UNC79: variants seen among roughly 807,000 people sequenced by gnomAD.
UNC79 encodes protein unc-79 homolog.
UNC79 carries 37 observed loss-of-function variants against 283.1 expected under a neutral mutation model. The observed-to-expected ratio is 0.13, with a 90% CI of 0.10 to 0.17. The LOEUF is 0.17. UNC79 is among the 10% of genes least tolerant of loss of function. The pLI, the probability that UNC79 is intolerant of heterozygous loss-of-function variation, is 1.00. For synonymous variants in UNC79, 1,107 were observed against 1,200.2 expected (o/e 0.92, Z 1.61); for missense variants, 2,272 against 3,211.1 (o/e 0.71, Z 7.07).
At chr14:93,459,239 G>A (rs543292780) in intron 1 of UNC79, among the ~76,000 whole-genome samples, 2 of 152,300 alleles carry the variant, frequency 1.3e-5, no homozygotes, top group Admixed American at 1.3e-4. Flanking sequence ...CTCCCAAAGT[G>A]CTGGGATTAC....
At chr14:93,536,340 C>G (rs1441070176) in intron 11 of UNC79, among the ~76,000 whole-genome samples, 1 of 150,578 alleles carries the variant, frequency 6.6e-6, no homozygotes, top group African/African-American at 2.4e-5. Flanking sequence ...GTCACTTGTT[C>G]CTTAGTTAGG....
chr14:93,630,691 G>A, intron 30 of UNC79, 110 bp from the exon 33 acceptor site: 2 of 767,766 alleles, frequency 2.6e-6, no homozygotes, highest in East Asian at 2.7e-5. Context: ...CCAGGAAAGT[G>A]TATAAAGAGT....
intron 44 of UNC79, 161 bp downstream of exon 47, chr14:93,689,001 G>A: frequency 1.4e-6 from 1 of 733,182 alleles, no homozygotes; most frequent in Non-Finnish European, 2.0e-6. Flanking sequence ...TTACGTACTT[G>A]CTGACCCAGA....
chr14:93,654,083 C>A (rs2070630354), intron 37 of UNC79, 58 bp downstream of exon 40: 1 of 1,460,884 alleles, frequency 6.8e-7, no homozygotes, highest in East Asian at 2.3e-5. Flanking sequence ...CCCAGCACAA[C>A]TGTGGGCTGT....
At chr14:93,683,148 G>C (rs1448113231) in intron 42 of UNC79, among the ~76,000 whole-genome samples, 1 of 150,842 alleles carries the variant, frequency 6.6e-6, no homozygotes, top group Non-Finnish European at 1.5e-5. Context: ...TTTTTTTAAG[G>C]GTTCTTGATA....
At chr14:93,616,366 CTTTTTTTTTTT>C (rs71463917) in intron 27 of UNC79, among the ~76,000 whole-genome samples, 1 of 96,244 alleles carries the variant, frequency 1.0e-5, no homozygotes, top group Non-Finnish European at 2.1e-5. Context: ...TTCTTTTTTC[CTTTTTTTTTTT>C]TTTTTTTTGA....
chr14:93,415,400 G>A (rs1455495169), intron 1 of UNC79, among the ~76,000 whole-genome samples: 3 of 152,160 alleles, frequency 2.0e-5, no homozygotes, highest in East Asian at 1.9e-4. Flanking sequence ...GCTTTTTGAT[G>A]TGCTGCTGGA....
intron 1 of UNC79, among the ~76,000 whole-genome samples, chr14:93,450,841 T>C (rs973349716): frequency 6.6e-6 from 1 of 152,202 alleles, no homozygotes; most frequent in African/African-American, 2.4e-5. Context: ...ATTTTGTTAA[T>C]GGTTTTAACT....
intron 3 of UNC79, among the ~76,000 whole-genome samples, chr14:93,475,572 C>T (rs1300689019): frequency 6.6e-6 from 1 of 151,738 alleles, no homozygotes; most frequent in African/African-American, 2.4e-5. Flanking sequence ...AATCTAGCCA[C>T]TTCTGCTGTG....
At chr14:93,618,078 C>CAT (rs1161958797) in intron 28 of UNC79, 114 bp from the exon 30 acceptor site, 27 of 1,127,230 alleles carry the variant, frequency 2.4e-5, no homozygotes, top group Non-Finnish European at 3.3e-5. Context: ...CTCTCTCTCT[C>CAT]ATATATATAT....
chr14:93,595,379 C>T (rs564720929), intron 23 of UNC79, among the ~76,000 whole-genome samples: 13 of 152,156 alleles, frequency 8.5e-5, no homozygotes, highest in South Asian at 4.2e-4. Flanking sequence ...CATGAGCCAC[C>T]GTACCCGGCC....
At chr14:93,566,580 G>T (rs1019796499) in intron 14 of UNC79, among the ~76,000 whole-genome samples, 2 of 151,842 alleles carry the variant, frequency 1.3e-5, no homozygotes, top group African/African-American at 4.8e-5. Context: ...ATTCCTTCTT[G>T]AGTAGGGACA....
chr14:93,545,080 A>C (rs1294499365), intron 14 of UNC79, among the ~76,000 whole-genome samples: 1 of 152,204 alleles, frequency 6.6e-6, no homozygotes, highest in Non-Finnish European at 1.5e-5. Flanking sequence ...GAGAAAAGTT[A>C]GAAGTGTTAA....
chr14:93,555,141 A>C (rs148010300), intron 14 of UNC79, among the ~76,000 whole-genome samples: 122 of 152,342 alleles, frequency 8.0e-4, no homozygotes, highest in Non-Finnish European at 1.3e-3. Context: ...AAGACATTTA[A>C]TTTTATTTCA....
At chr14:93,575,678 T>A (rs2063437403) in intron 17 of UNC79, among the ~76,000 whole-genome samples, 1 of 152,238 alleles carries the variant, frequency 6.6e-6, no homozygotes, top group African/African-American at 2.4e-5. Flanking sequence ...TGCATCATTG[T>A]AGATGAGAAA....
intron 14 of UNC79, among the ~76,000 whole-genome samples, chr14:93,553,539 A>C (rs2062004034): frequency 6.6e-6 from 1 of 152,226 alleles, no homozygotes; most frequent in African/African-American, 2.4e-5. Flanking sequence ...AAAACAAGAC[A>C]ATTGTCTGTG....
At chr14:93,387,043 A>G (rs1348179840) in intron 1 of UNC79, among the ~76,000 whole-genome samples, 1 of 139,194 alleles carries the variant, frequency 7.2e-6, no homozygotes, top group Admixed American at 8.2e-5. Context: ...CTCAGGTACA[A>G]TCGATTCTCC....
chr14:93,542,045 G>C (rs1293277754), intron 13 of UNC79, among the ~76,000 whole-genome samples: 1 of 149,476 alleles, frequency 6.7e-6, no homozygotes, highest in Non-Finnish European at 1.5e-5. Flanking sequence ...TTATGATAGT[G>C]AATTGGGGGG....
At chr14:93,522,951 G>T (rs1017718057) in intron 7 of UNC79, among the ~76,000 whole-genome samples, 2 of 152,100 alleles carry the variant, frequency 1.3e-5, no homozygotes, top group African/African-American at 4.8e-5. Flanking sequence ...ACATAAATTA[G>T]CTCGGATCAT....
Sources: gnomAD v4.1 joint callset for allele counts (sites outside exome capture counted in the v4.1 genomes callset) on GRCh38, gnomAD v4.1.1 for gene constraint, MANE v1.5 for transcripts, NCBI Gene and HGNC (gene_info 2026-07-23, HGNC 2026-07-21) for gene names.